AFG2A: variants seen among roughly 807,000 people sequenced by gnomAD.
AFG2A encodes the protein AAA ATPase AFG2A.
At chr4:122,991,420 T>G in the AFG2A span, among the ~76,000 whole-genome samples, 3 of 152,202 alleles carry the variant, frequency 2.0e-5, no homozygotes, top group Admixed American at 6.5e-5. Context: ...TAGCTGAGAA[T>G]CCTTCTACCC....
At chr4:123,302,208 C>T in the AFG2A span, among the ~76,000 whole-genome samples, 1 of 152,136 alleles carries the variant, frequency 6.6e-6, no homozygotes, top group South Asian at 2.1e-4. Context: ...TGAAGTTTTT[C>T]AGGAACTTTG....
the AFG2A span, among the ~76,000 whole-genome samples, chr4:123,294,527 AG>A: frequency 6.6e-6 from 1 of 152,180 alleles, no homozygotes; most frequent in African/African-American, 2.4e-5. Context: ...CATCAAAACC[AG>A]GAGACTTGGT....
At chr4:123,131,927 A>G in the AFG2A span, among the ~76,000 whole-genome samples, 2 of 152,212 alleles carry the variant, frequency 1.3e-5, no homozygotes, top group Admixed American at 6.5e-5. Flanking sequence ...GCACCATTTT[A>G]TATTCATTCC....
chr4:122,927,483 T>C, the AFG2A span: 1 of 660,040 alleles, frequency 1.5e-6, no homozygotes, highest in Non-Finnish European at 2.4e-6. Context: ...TCTGTTTTGT[T>C]ATAACAAAAG....
At chr4:123,089,621 G>C in the AFG2A span, among the ~76,000 whole-genome samples, 6 of 151,544 alleles carry the variant, frequency 4.0e-5, no homozygotes, top group Non-Finnish European at 2.9e-5. Flanking sequence ...ATCTCACTCT[G>C]TTGCCCAGGC....
the AFG2A span, among the ~76,000 whole-genome samples, chr4:122,999,942 A>G: frequency 6.6e-6 from 1 of 152,204 alleles, no homozygotes; most frequent in African/African-American, 2.4e-5. Context: ...ACCCATGAGC[A>G]TGGAATGTTC....
the AFG2A span, among the ~76,000 whole-genome samples, chr4:123,224,758 T>C: frequency 6.6e-6 from 1 of 152,210 alleles, no homozygotes; most frequent in Non-Finnish European, 1.5e-5. Flanking sequence ...ATGGTATTTC[T>C]AGTTCTAGAT....
At chr4:123,278,582 G>A in the AFG2A span, among the ~76,000 whole-genome samples, 1 of 152,074 alleles carries the variant, frequency 6.6e-6, no homozygotes, top group East Asian at 1.9e-4. Flanking sequence ...TCTTTGATGT[G>A]AGCTTTTAAT....
At chr4:123,315,515 T>C in the AFG2A span, 3 of 152,058 alleles carry the variant, frequency 2.0e-5, no homozygotes. Context: ...ATCTTAAACA[T>C]ATTATGTTGC....
chr4:123,228,554 C>T, the AFG2A span, among the ~76,000 whole-genome samples: 27 of 152,038 alleles, frequency 1.8e-4, no homozygotes, highest in Admixed American at 8.5e-4. Flanking sequence ...TCAGATTATT[C>T]GGAATACTAA....
the AFG2A span, among the ~76,000 whole-genome samples, chr4:122,984,634 A>G: frequency 6.6e-6 from 1 of 152,118 alleles, no homozygotes; most frequent in Non-Finnish European, 1.5e-5. Flanking sequence ...CATGTATACC[A>G]GTTTTGCTGA....
chr4:122,937,189 A>G, the AFG2A span, among the ~76,000 whole-genome samples: 1 of 152,094 alleles, frequency 6.6e-6, no homozygotes, highest in Non-Finnish European at 1.5e-5. Flanking sequence ...GTAGAGACAT[A>G]GCCATATTAT....
chr4:123,270,672 A>G, the AFG2A span, among the ~76,000 whole-genome samples: 2 of 152,348 alleles, frequency 1.3e-5, no homozygotes, highest in African/African-American at 2.4e-5. Context: ...AGAGGAATAT[A>G]ACATCTTAAA....
chr4:123,300,197 A>G, the AFG2A span, among the ~76,000 whole-genome samples: 2 of 152,214 alleles, frequency 1.3e-5, no homozygotes, highest in Non-Finnish European at 2.9e-5. Flanking sequence ...ACATTAAATA[A>G]TAGACAATGA....
At chr4:123,122,900 A>T in the AFG2A span, among the ~76,000 whole-genome samples, 1 of 151,856 alleles carries the variant, frequency 6.6e-6, no homozygotes, top group Non-Finnish European at 1.5e-5. Context: ...TGTATTTTAG[A>T]TTAAAAATTG....
At chr4:123,114,202 T>C in the AFG2A span, among the ~76,000 whole-genome samples, 1 of 152,172 alleles carries the variant, frequency 6.6e-6, no homozygotes, top group African/African-American at 2.4e-5. Flanking sequence ...AGGAAGTGCA[T>C]GCCGATTGGT....
the AFG2A span, among the ~76,000 whole-genome samples, chr4:123,109,961 T>G: frequency 1.3e-5 from 2 of 152,176 alleles, no homozygotes; most frequent in African/African-American, 2.4e-5. Flanking sequence ...AATAATTTGC[T>G]GAGCTAAATT....
the AFG2A span, among the ~76,000 whole-genome samples, chr4:123,076,962 G>C: frequency 1.3e-5 from 2 of 148,808 alleles, no homozygotes; most frequent in Non-Finnish European, 3.0e-5. Context: ...CCTGTGCTGT[G>C]TGTGTGTGTG....
the AFG2A span, among the ~76,000 whole-genome samples, chr4:123,071,935 A>C: frequency 1.3e-5 from 2 of 152,212 alleles, no homozygotes; most frequent in African/African-American, 2.4e-5. Flanking sequence ...GCTTCCTTTC[A>C]ACTGTAATAA....
Sources: allele counts gnomAD v4.1 joint callset (sites outside exome capture counted in the v4.1 genomes callset), GRCh38; gene constraint gnomAD v4.1.1; transcripts MANE v1.5; gene names NCBI Gene and HGNC (gene_info 2026-07-23, HGNC 2026-07-21).